The following KIAA0825 variants were observed in gnomAD, a reference collection of about 807,000 sequenced individuals.
The protein encoded by KIAA0825 is uncharacterized protein KIAA0825.
A neutral mutation model predicts 147.6 loss-of-function variants in KIAA0825; 119 were observed. The ratio of observed to expected loss-of-function variants is 0.81; its 90% confidence interval spans 0.69 to 0.94. KIAA0825 has a LOEUF of 0.94. KIAA0825 is among the 40% of genes least tolerant of loss of function. The pLI, the probability that KIAA0825 is intolerant of heterozygous loss-of-function variation, is 0.00. For missense variants in KIAA0825, 1,381 were observed against 1,472.7 expected (o/e 0.94, Z 1.02); for synonymous variants, 470 against 518.1 (o/e 0.91, Z 1.26).
At chr5:94,528,630 T>C (rs2151273114) in intron 3 of KIAA0825, among the ~76,000 whole-genome samples, 1 of 152,230 alleles carries the variant, frequency 6.6e-6, no homozygotes, top group South Asian at 2.1e-4. Context: ...TAAATCTACA[T>C]CTAATTTGGA....
At chr5:94,351,373 A>T (rs558242520) in intron 20 of KIAA0825, among the ~76,000 whole-genome samples, 1 of 152,288 alleles carries the variant, frequency 6.6e-6, no homozygotes, top group East Asian at 1.9e-4. Flanking sequence ...TTAGGAATAC[A>T]CCTAACCAGG....
At chr5:94,207,002 G>T (rs1475168538) in intron 20 of KIAA0825, among the ~76,000 whole-genome samples, 2 of 152,126 alleles carry the variant, frequency 1.3e-5, no homozygotes, top group Non-Finnish European at 2.9e-5. Context: ...ATCATTTTTA[G>T]TTATTTATTT....
chr5:94,252,457 A>G (rs1182939393), intron 20 of KIAA0825, among the ~76,000 whole-genome samples: 1 of 148,488 alleles, frequency 6.7e-6, no homozygotes, highest in Non-Finnish European at 1.5e-5. Flanking sequence ...GTGGGTGTGT[A>G]TATATATATA....
intron 12 of KIAA0825, among the ~76,000 whole-genome samples, chr5:94,454,166 A>G (rs1292373096): frequency 6.6e-6 from 1 of 152,232 alleles, no homozygotes; most frequent in Non-Finnish European, 1.5e-5. Flanking sequence ...TTGGCTAGTA[A>G]CAAATGTATA....
At chr5:94,561,263 A>C (rs1204558188) in intron 2 of KIAA0825, among the ~76,000 whole-genome samples, 1 of 152,240 alleles carries the variant, frequency 6.6e-6, no homozygotes, top group Admixed American at 6.5e-5. Context: ...GCACACCCAG[A>C]CAGGAAGTTC....
Position 94,267,777 on chromosome 5 carries a change from C to T in KIAA0825, c.3711-113653G>A, listed in dbSNP as rs1232644173. Among the ~76,000 whole-genome samples the T allele has an allele frequency of 4.6e-5, 7 of 152,224 alleles. No homozygotes were observed. In the East Asian group the frequency reaches 1.2e-3, roughly 25 times the overall value. On this transcript the variant is annotated intron_variant, in intron 20 of 20. Transcript: ENST00000682413. ...CATTTTCTTGTTTCATTTTTACGTT[C>T]TCTTTTTTTCCCTCTTTGTTTCTGT...
intron 6 of KIAA0825, among the ~76,000 whole-genome samples, chr5:94,482,258 A>C (rs1762577316): frequency 1.3e-5 from 2 of 152,136 alleles, no homozygotes; most frequent in Middle Eastern, 3.4e-3. Context: ...TCAAAGTAAA[A>C]AGTAAAATAT....
At chr5:94,331,281 T>TA (rs1781248462) in intron 20 of KIAA0825, among the ~76,000 whole-genome samples, 1 of 152,022 alleles carries the variant, frequency 6.6e-6, no homozygotes, top group Non-Finnish European at 1.5e-5. Flanking sequence ...AAAGGGATAA[T>TA]AAAGGACTAC....
At chr5:94,246,887 GA>G (rs1254105529) in intron 20 of KIAA0825, among the ~76,000 whole-genome samples, 1 of 152,172 alleles carries the variant, frequency 6.6e-6, no homozygotes, top group African/African-American at 2.4e-5. Flanking sequence ...TGGTAAGGTT[GA>G]TTGTGAAACA....
At chr5:94,407,096 G>A (rs761485988) in intron 15 of KIAA0825, among the ~76,000 whole-genome samples, 1 of 152,154 alleles carries the variant, frequency 6.6e-6, no homozygotes, top group African/African-American at 2.4e-5. Context: ...GAAATGAAAT[G>A]TACATGTACA....
rs552510153 is a variant in KIAA0825 at position 94,151,848 on chromosome 5, C to A, written c.*2159G>T. 5.4e-4 allele frequency among the ~76,000 whole-genome samples: 82 copies of A among 152,248 alleles called. No homozygotes were observed. The highest frequency in any genetic ancestry group is 1.9e-3 in the South Asian group (9 of 4,830). ...GTTTATTGGATTAATTTATTTTTAA[C>A]TTTCCATTTTTGCATCTTGTCTAAT... On this transcript the variant is annotated 3_prime_UTR_variant, in exon 21 of 21. Transcript: ENST00000682413.
chr5:94,600,833 A>G (rs930251542), intron 1 of KIAA0825, among the ~76,000 whole-genome samples: 5 of 152,178 alleles, frequency 3.3e-5, no homozygotes, highest in East Asian at 1.9e-4. Flanking sequence ...TGGGTCCCCA[A>G]TCTGTTTCTC....
intron 20 of KIAA0825, among the ~76,000 whole-genome samples, chr5:94,366,152 A>G (rs1351660754): frequency 6.6e-6 from 1 of 152,146 alleles, no homozygotes; most frequent in South Asian, 2.1e-4. Flanking sequence ...TCTTGGGGAG[A>G]CTGATTTGAG....
At chr5:94,158,185 G>T (rs940552682) in intron 20 of KIAA0825, among the ~76,000 whole-genome samples, 1 of 151,952 alleles carries the variant, frequency 6.6e-6, no homozygotes, top group African/African-American at 2.4e-5. Flanking sequence ...TATAAATATG[G>T]TCACATTGGA....
chr5:94,369,667 TA>T (rs1308239503), intron 20 of KIAA0825, among the ~76,000 whole-genome samples: 2 of 152,046 alleles, frequency 1.3e-5, no homozygotes, highest in African/African-American at 4.8e-5. Flanking sequence ...TAATCAAAAA[TA>T]GGAAAAAATA....
chr5:94,400,612 A>G (rs1027395542), intron 16 of KIAA0825, among the ~76,000 whole-genome samples: 3 of 152,162 alleles, frequency 2.0e-5, no homozygotes, highest in African/African-American at 7.2e-5. Flanking sequence ...AAAGTAATTT[A>G]CTGTTGAGAA....
chr5:94,234,415 A>T (rs578167846), intron 20 of KIAA0825, among the ~76,000 whole-genome samples: 33 of 151,588 alleles, frequency 2.2e-4, no homozygotes, highest in Middle Eastern at 6.8e-3. Context: ...ATAAAAAAAA[A>T]ATATGTATTA....
intron 16 of KIAA0825, among the ~76,000 whole-genome samples, chr5:94,400,952 T>C (rs1429495136): frequency 1.3e-5 from 2 of 152,166 alleles, no homozygotes; most frequent in Non-Finnish European, 2.9e-5. Flanking sequence ...TTCCCTAAGG[T>C]AATGACTATT....
intron 20 of KIAA0825, among the ~76,000 whole-genome samples, chr5:94,200,431 G>A (rs1771563007): frequency 6.6e-6 from 1 of 152,114 alleles, no homozygotes; most frequent in South Asian, 2.1e-4. Flanking sequence ...TGCTCAGAGT[G>A]TCAGTCTACT....
Sources: gnomAD v4.1 joint callset for allele counts (sites outside exome capture counted in the v4.1 genomes callset) on GRCh38, gnomAD v4.1.1 for gene constraint, MANE v1.5 for transcripts, NCBI Gene and HGNC (gene_info 2026-07-23, HGNC 2026-07-21) for gene names.